ANTXR1: variants seen among roughly 807,000 people sequenced by gnomAD.
ANTXR1 encodes the protein anthrax toxin receptor 1.
In ANTXR1, 19 loss-of-function variants were observed where a neutral mutation model predicts 78.1. The ratio of observed to expected loss-of-function variants is 0.24; its 90% CI spans 0.17 to 0.36. The LOEUF is 0.36. Among genes scored for constraint, ANTXR1 ranks in the 10% least tolerant of loss-of-function variants. The probability of loss-of-function intolerance (pLI) is 1.00; values close to 1 mark genes in which losing one functional copy is unlikely to be tolerated. For missense variants in ANTXR1, 518 were observed against 718.6 expected (o/e 0.72, Z 3.19); for synonymous variants, 273 against 260.5 (o/e 1.05, Z -0.46).
chr2:69,096,031 G>A lies in ANTXR1; in HGVS notation c.703+5112G>A, dbSNP rs58336510. On this transcript the variant is annotated intron_variant, in intron 9 of 17. Coordinates refer to ENST00000303714, the MANE Select transcript of ANTXR1 (RefSeq NM_032208.3). The stretch of plus-strand genomic sequence containing the variant: ...CCCAGCACTTTGGGAGGCCAAGGCA[G>A]GCAGATCACGAGATCAGGAGATCGA... Among the ~76,000 whole-genome samples, 782 of 152,126 alleles carry A rather than the reference G, an allele frequency of 5.1e-3. 9 individuals are homozygous for A. Among genetic ancestry groups the A allele is most frequent in the African/African-American group, 0.018 (742 of 41,502 alleles).
intron 8 of ANTXR1, among the ~76,000 whole-genome samples, chr2:69,081,948 T>A (rs927085705): frequency 6.6e-6 from 1 of 152,188 alleles, no homozygotes; most frequent in Non-Finnish European, 1.5e-5. Flanking sequence ...ATTCACCAAC[T>A]TGTCCAAGGC....
intron 16 of ANTXR1, among the ~76,000 whole-genome samples, chr2:69,183,251 C>G (rs10170439): frequency 0.13 from 19,906 of 152,120 alleles, 4,077 homozygotes; most frequent in African/African-American, 0.44. Flanking sequence ...GGTCATGGAT[C>G]TAGGACTCAC....
chr2:69,197,913 A>G (rs1346882648), intron 17 of ANTXR1, among the ~76,000 whole-genome samples: 1 of 152,206 alleles, frequency 6.6e-6, no homozygotes, highest in African/African-American at 2.4e-5. Flanking sequence ...CCACTTTGCA[A>G]GCTGTTTCTT....
intron 12 of ANTXR1, among the ~76,000 whole-genome samples, chr2:69,142,354 T>C (rs1673092808): frequency 6.6e-6 from 1 of 152,278 alleles, no homozygotes; most frequent in South Asian, 2.1e-4. Context: ...TTTGAAACAC[T>C]GTACTATGTC....
At chr2:69,218,233 A>G (rs189064525) in intron 17 of ANTXR1, among the ~76,000 whole-genome samples, 1 of 152,336 alleles carries the variant, frequency 6.6e-6, no homozygotes, top group East Asian at 1.9e-4. Flanking sequence ...GGCAAGATTC[A>G]GCTGTAGTGG....
rs189171388 is a variant in ANTXR1, at chr2:69,188,697, G to C, written c.1354-4638G>C. On this transcript the variant is annotated intron_variant, in intron 16 of 17. Transcript: ENST00000303714. Reference sequence around the variant, plus strand: ...TGTCCTAGCTTCACAGAAGCAGTTGGGCATTTTGCCAGGGAGTGAGGACCA... The same window carrying C: ...TGTCCTAGCTTCACAGAAGCAGTTGCGCATTTTGCCAGGGAGTGAGGACCA... Among the ~76,000 whole-genome samples the C allele has an allele frequency of 1.5e-3, 230 of 152,322 alleles. 1 individual carries two copies. The highest frequency in any genetic ancestry group is 5.3e-3 in the African/African-American group (219 of 41,574).
At chr2:69,226,395 A>G (rs1675453468) in intron 17 of ANTXR1, among the ~76,000 whole-genome samples, 1 of 152,096 alleles carries the variant, frequency 6.6e-6, no homozygotes, top group South Asian at 2.1e-4. Flanking sequence ...AGACCAGTCA[A>G]TTGGGGAAGG....
At chr2:69,148,022 G>A (rs1194870788) in intron 12 of ANTXR1, among the ~76,000 whole-genome samples, 1 of 152,212 alleles carries the variant, frequency 6.6e-6, no homozygotes, top group African/African-American at 2.4e-5. Context: ...GGGCAGAATT[G>A]CAGCTGTCCT....
intron 3 of ANTXR1, among the ~76,000 whole-genome samples, chr2:69,067,774 C>G (rs1239189991): frequency 6.6e-6 from 1 of 152,198 alleles, no homozygotes; most frequent in African/African-American, 2.4e-5. Context: ...ACTCACAGGG[C>G]AGAGCTGCCC....
At position 69,050,026 on chromosome 2, in the gene ANTXR1, G is replaced by T. The variant is rs188332209; in HGVS notation, c.296+5213G>T. Among the ~76,000 whole-genome samples the T allele has an allele frequency of 1.8e-4, 27 of 152,212 alleles. No individual in the cohort carries two copies. In the East Asian group the frequency reaches 5.2e-3, roughly 29 times the overall value. ...CTCTCCTAATGGGCCTGGCACAATGGCTCACACCTGTAATCTCAGCACTTT... is the reference window on the plus strand; with the variant it reads ...CTCTCCTAATGGGCCTGGCACAATGTCTCACACCTGTAATCTCAGCACTTT... On this transcript the variant is annotated intron_variant, in intron 3 of 17. Transcript: ENST00000303714.
intron 9 of ANTXR1, among the ~76,000 whole-genome samples, chr2:69,093,390 C>G (rs1240470035): frequency 1.3e-5 from 2 of 152,122 alleles, no homozygotes; most frequent in African/African-American, 2.4e-5. Context: ...ACCACTTAGA[C>G]AATGGAAAAT....
chr2:69,039,669 G>C (rs1408609259), intron 1 of ANTXR1, among the ~76,000 whole-genome samples: 2 of 152,124 alleles, frequency 1.3e-5, no homozygotes, highest in Non-Finnish European at 1.5e-5. Flanking sequence ...AAATGGATTA[G>C]AACAGTTTTT....
intron 17 of ANTXR1, among the ~76,000 whole-genome samples, chr2:69,222,123 G>A (rs188401068): frequency 6.6e-6 from 1 of 152,248 alleles, no homozygotes; most frequent in Admixed American, 6.5e-5. Flanking sequence ...CTGTGGCCCA[G>A]GTCTCCCAGG....
At chr2:69,157,648 CTCACATCTGT>C (rs1440163949) in intron 13 of ANTXR1, among the ~76,000 whole-genome samples, 1 of 152,188 alleles carries the variant, frequency 6.6e-6, no homozygotes, top group Non-Finnish European at 1.5e-5. Flanking sequence ...CTCATCTTAT[CTCACATCTGT>C]TCACACCTTC....
At chr2:69,097,847 A>G (rs1203520943) in intron 9 of ANTXR1, among the ~76,000 whole-genome samples, 1 of 152,260 alleles carries the variant, frequency 6.6e-6, no homozygotes, top group Non-Finnish European at 1.5e-5. Context: ...ATCCACAGGT[A>G]GGTGGATAAA....
chr2:69,203,828 T>A (rs1193757698), intron 17 of ANTXR1, among the ~76,000 whole-genome samples: 1 of 152,042 alleles, frequency 6.6e-6, no homozygotes, highest in African/African-American at 2.4e-5. Context: ...CTTCAGATTG[T>A]CTCATCTCCC....
chr2:69,055,701 G>A (rs1292842366), intron 3 of ANTXR1, among the ~76,000 whole-genome samples: 1 of 152,102 alleles, frequency 6.6e-6, no homozygotes, highest in Non-Finnish European at 1.5e-5. Context: ...TCCATTATAT[G>A]TGATGTTACA....
At chr2:69,020,045 A>G (rs1056759517) in intron 1 of ANTXR1, among the ~76,000 whole-genome samples, 1 of 152,192 alleles carries the variant, frequency 6.6e-6, no homozygotes, top group South Asian at 2.1e-4. Context: ...GAACATATGC[A>G]TGCATGTATC....
chr2:69,040,246 G>T (rs758386270), intron 2 of ANTXR1, 131 bp downstream of exon 2: 24 of 766,358 alleles, frequency 3.1e-5, no homozygotes, highest in Non-Finnish European at 5.2e-5. Flanking sequence ...TCAGATCTCG[G>T]ACCAGAGACT....
Sources: allele counts gnomAD v4.1 joint callset (sites outside exome capture counted in the v4.1 genomes callset), GRCh38; gene constraint gnomAD v4.1.1; transcripts MANE v1.5; gene names NCBI Gene and HGNC (gene_info 2026-07-23, HGNC 2026-07-21).